PIK3C2G: variants seen among roughly 807,000 people sequenced by gnomAD.
The protein encoded by PIK3C2G is phosphatidylinositol 3-kinase C2 domain-containing subunit gamma.
Under a neutral mutation model 181.1 loss-of-function variants are expected in PIK3C2G, and 168 were observed. The ratio of observed to expected loss-of-function variants is 0.93; its 90% CI spans 0.82 to 1.05. The LOEUF is 1.05. Among genes scored for constraint, PIK3C2G ranks in the 50% least tolerant of loss-of-function variants. PIK3C2G has a pLI of 0.00. For missense variants in PIK3C2G, 1,869 were observed against 1,732.8 expected, an observed-to-expected ratio of 1.08 and a Z score of -1.40; for synonymous variants, 573 against 592.2, an observed-to-expected ratio of 0.97 and a Z score of 0.47.
Position 18,349,232 on chromosome 12 carries a change from T to C in PIK3C2G, c.1625+2396T>C, listed in dbSNP as rs149818953. Reference sequence around the variant, plus strand: ...GTTCGCATACCAGGAGACAGAATCATTGGGGGCTATCTTGGAGGCAAGACA... The same window carrying C: ...GTTCGCATACCAGGAGACAGAATCACTGGGGGCTATCTTGGAGGCAAGACA... On this transcript the variant is annotated intron_variant, in intron 11 of 32. Transcript: ENST00000538779. 6.6e-3 allele frequency among the ~76,000 whole-genome samples: 1,010 copies of C among 152,216 alleles called. 9 individuals carry two copies. Among genetic ancestry groups the C allele is most frequent in the African/African-American group, 0.023 (955 of 41,506 alleles).
intron 28 of PIK3C2G, among the ~76,000 whole-genome samples, chr12:18,566,177 C>G (rs865963101): frequency 9.2e-5 from 14 of 152,274 alleles, no homozygotes; most frequent in African/African-American, 3.4e-4. Context: ...TCACATACAT[C>G]TTTATCTTTG....
At chr12:18,612,745 A>G (rs1238710277) in intron 31 of PIK3C2G, among the ~76,000 whole-genome samples, 1 of 152,112 alleles carries the variant, frequency 6.6e-6, no homozygotes, top group Non-Finnish European at 1.5e-5. Flanking sequence ...TTAGACTAAC[A>G]TTGTGCTGGA....
chr12:18,680,065 A>G, the PIK3C2G span, among the ~76,000 whole-genome samples: 2 of 151,898 alleles, frequency 1.3e-5, no homozygotes, highest in African/African-American at 4.8e-5. Flanking sequence ...TGGTACACAT[A>G]TTTCCAGTGT....
At chr12:18,676,905 T>G in the PIK3C2G span, among the ~76,000 whole-genome samples, 1 of 152,136 alleles carries the variant, frequency 6.6e-6, no homozygotes, top group Admixed American at 6.6e-5. Flanking sequence ...TCCTCATTTT[T>G]TAAAACTTCA....
chr12:18,723,635 A>G, the PIK3C2G span: 1 of 977,814 alleles, frequency 1.0e-6, no homozygotes. Context: ...AGTAATTTAT[A>G]CTTGAAAGAA....
intron 24 of PIK3C2G, among the ~76,000 whole-genome samples, chr12:18,509,337 T>C (rs1024511206): frequency 3.3e-5 from 5 of 152,196 alleles, no homozygotes; most frequent in African/African-American, 1.2e-4. Context: ...CGTGAGCCAC[T>C]GCACCCAGTT....
chr12:18,367,594 G>A (rs1759714408), intron 12 of PIK3C2G, among the ~76,000 whole-genome samples: 1 of 151,782 alleles, frequency 6.6e-6, no homozygotes, highest in Non-Finnish European at 1.5e-5. Flanking sequence ...CACTCTTGTT[G>A]CCCAGGCTAG....
intron 9 of PIK3C2G, 139 bp downstream of exon 9, chr12:18,338,687 G>GTT: frequency 1.6e-6 from 1 of 606,138 alleles, no homozygotes; most frequent in Non-Finnish European, 2.9e-6. Flanking sequence ...GTGTGTGTGT[G>GTT]TGTGTGTGTG....
chr12:18,338,132 T>C (rs1201556982), intron 8 of PIK3C2G, among the ~76,000 whole-genome samples: 1 of 152,142 alleles, frequency 6.6e-6, no homozygotes, highest in African/African-American at 2.4e-5. Context: ...TCCCTCTTCC[T>C]TACCACTTCC....
chr12:18,376,396 A>G (rs1030100736), intron 13 of PIK3C2G, among the ~76,000 whole-genome samples: 7 of 152,240 alleles, frequency 4.6e-5, no homozygotes, highest in African/African-American at 1.7e-4. Flanking sequence ...TGGAATAAGA[A>G]TGTTTACCCA....
chr12:18,546,365 C>G lies in PIK3C2G; in HGVS notation c.3523C>G (p.Leu1175Val), dbSNP rs771313726. Reference protein sequence around the residue: ...GLPELSGIQDLKYVYNNLRPQ... With the variant: ...GLPELSGIQDVKYVYNNLRPQ... Reference sequence around the variant, plus strand: ...GCCTGAGCTAAGTGGAATTCAAGACCTGAAATATGTGTATAATAATCTTCG... The same window carrying G: ...GCCTGAGCTAAGTGGAATTCAAGACGTGAAATATGTGTATAATAATCTTCG... The change falls in exon 26 of 33, where the codon CTG (leucine) becomes GTG (valine). Residue 1175 changes from leucine (L) to valine (V), a missense_variant. Transcript: ENST00000538779. 2.3e-5 allele frequency: 37 copies of G among 1,601,918 alleles called. No homozygotes were observed. The highest frequency in any genetic ancestry group is 2.9e-5 in the Non-Finnish European group (34 of 1,173,450).
intron 18 of PIK3C2G, among the ~76,000 whole-genome samples, chr12:18,432,626 G>A (rs752107747): frequency 2.1e-4 from 32 of 152,114 alleles, no homozygotes; most frequent in Admixed American, 3.3e-4. Flanking sequence ...AATATGGTTG[G>A]CAAAAAGGCA....
intron 31 of PIK3C2G, among the ~76,000 whole-genome samples, chr12:18,630,379 G>A (rs995081401): frequency 2.6e-5 from 4 of 152,132 alleles, no homozygotes; most frequent in African/African-American, 7.2e-5. Flanking sequence ...GTAACAGAGC[G>A]GGATTTTTTC....
At chr12:18,470,320 C>A (rs1035664147) in intron 18 of PIK3C2G, among the ~76,000 whole-genome samples, 1 of 151,994 alleles carries the variant, frequency 6.6e-6, no homozygotes, top group Non-Finnish European at 1.5e-5. Context: ...AGCCAGGATA[C>A]CAGTTCAAGG....
the PIK3C2G span, among the ~76,000 whole-genome samples, chr12:18,675,583 T>TGC: frequency 4.6e-5 from 7 of 152,172 alleles, no homozygotes; most frequent in African/African-American, 1.4e-4. Flanking sequence ...TGTTTGTCAC[T>TGC]GCACTATTCA....
intron 31 of PIK3C2G, among the ~76,000 whole-genome samples, chr12:18,614,370 C>A (rs934559471): frequency 6.6e-6 from 1 of 151,954 alleles, no homozygotes; most frequent in Non-Finnish European, 1.5e-5. Flanking sequence ...TGAAATAAAC[C>A]ATTAATTGTT....
intron 18 of PIK3C2G, among the ~76,000 whole-genome samples, chr12:18,438,615 AAAG>A (rs1010582070): frequency 3.4e-4 from 51 of 152,032 alleles, no homozygotes; most frequent in African/African-American, 1.2e-3. Flanking sequence ...ACAGAGCTAT[AAAG>A]AAGAAGAGCC....
Position 18,491,436 on chromosome 12 carries a change from A to T in PIK3C2G, c.2686-15A>T, listed in dbSNP as rs763071945. ...TTACATTTTCTTAAATCCTTTTTCT[A>T]ATGATTTTTCACAGGAGGTACTGAA... On this transcript the variant is annotated splice_polypyrimidine_tract_variant and intron_variant, in intron 19 of 32. Coordinates refer to ENST00000538779, the MANE Select transcript of PIK3C2G (RefSeq NM_001288772.2). 4.9e-5 allele frequency: 64 copies of T among 1,303,966 alleles called. No individual in the cohort carries two copies. Among genetic ancestry groups the T allele is most frequent in the Non-Finnish European group, 6.9e-5 (63 of 914,350 alleles). 80.8% of individuals were successfully genotyped at this position (1,303,966 alleles called of 1,614,324 possible). A position where few individuals can be genotyped will look rare whatever the true frequency, so the allele number is the denominator to read the frequency against.
chr12:18,381,880 G>A lies in PIK3C2G; in HGVS notation c.1995G>A (p.Gln665=), dbSNP rs1565658292. ...DVSQPSPVTL[Q]IDFPATGWEY... is the part of the protein sequence containing the mutation. ...GTCAGCCATCCCCGGTGACCCTGCA[G>A]GTAAGTGCCAGGCTAAAAGATTAAA... The change falls in exon 14 of 33, where the codon CAG becomes CAA. Residue 665 remains glutamine (Q), a splice_region_variant and synonymous_variant. Transcript: ENST00000538779. 2 of 1,573,490 alleles carry A rather than the reference G, an allele frequency of 1.3e-6. No homozygotes were observed. Among genetic ancestry groups the A allele is most frequent in the Non-Finnish European group, 1.7e-6 (2 of 1,143,076 alleles).
Sources: gnomAD v4.1 joint callset for allele counts (sites outside exome capture counted in the v4.1 genomes callset) on GRCh38, gnomAD v4.1.1 for gene constraint, MANE v1.5 for transcripts, NCBI Gene and HGNC (gene_info 2026-07-23, HGNC 2026-07-21) for gene names.